UBAP2: variants seen among roughly 807,000 people sequenced by gnomAD.
UBAP2 encodes ubiquitin-associated protein 2.
Under a neutral mutation model 139.6 loss-of-function variants are expected in UBAP2, and 75 were observed. The observed-to-expected ratio is 0.54, with a 90% CI of 0.45 to 0.65. UBAP2 has a LOEUF of 0.65. Among genes scored for constraint, UBAP2 ranks in the 30% least tolerant of loss-of-function variants. UBAP2 has a pLI of 0.00. For synonymous variants in UBAP2, 526 were observed against 526.2 expected, an observed-to-expected ratio of 1.00 and a Z score of 0.01; for missense variants, 1,368 against 1,369.6, an observed-to-expected ratio of 1.00 and a Z score of 0.02.
chr9:33,980,072 G>A (rs1276066520), intron 6 of UBAP2, among the ~76,000 whole-genome samples: 2 of 151,768 alleles, frequency 1.3e-5, no homozygotes, highest in Non-Finnish European at 2.9e-5. Context: ...GACAGACCCA[G>A]TTTCAACAAC....
intron 26 of UBAP2, 33 bp from the exon 27 acceptor site, chr9:33,923,066 T>C (rs374970219): frequency 1.9e-6 from 3 of 1,613,842 alleles, no homozygotes; most frequent in East Asian, 2.2e-5. Flanking sequence ...CCCACAGCAG[T>C]TGTTCCCAGC....
chr9:33,996,356 G>C, intron 3 of UBAP2, 23 bp from the exon 4 acceptor site: 2 of 1,569,192 alleles, frequency 1.3e-6, no homozygotes, highest in Non-Finnish European at 1.7e-6. Context: ...TCAGAAAATG[G>C]TTAGAGGCAA....
At position 33,933,632 on chromosome 9, in the gene UBAP2, G is replaced by C; in HGVS notation, c.1970-4C>G. On this transcript the variant is annotated splice_polypyrimidine_tract_variant and splice_region_variant and intron_variant, in intron 17 of 28. Coordinates refer to ENST00000379238, the MANE Select transcript of UBAP2 (RefSeq NM_001370062.2). ...GGAGGGCCTGTTGTCTTTGGAGCTG[G>C]AACAGATGAAGTAGCTGTAAGAAGC... The C allele has an allele frequency of 6.2e-7, 1 of 1,613,534 alleles. No individual in the cohort carries two copies. The highest frequency in any genetic ancestry group is 1.3e-5 in the African/African-American group (1 of 75,000).
intron 13 of UBAP2, among the ~76,000 whole-genome samples, chr9:33,945,638 C>CACAA: frequency 2.0e-5 from 3 of 152,180 alleles, no homozygotes; most frequent in African/African-American, 7.2e-5. Flanking sequence ...TTCAGAGATA[C>CACAA]TATATCACAA....
intron 2 of UBAP2, among the ~76,000 whole-genome samples, chr9:34,002,217 G>A (rs1459657283): frequency 1.3e-5 from 2 of 152,012 alleles, no homozygotes; most frequent in East Asian, 3.9e-4. Context: ...GCCTCCCAAA[G>A]AGCTGGAATT....
At chr9:34,021,305 A>C (rs755975591) in intron 1 of UBAP2, among the ~76,000 whole-genome samples, 1 of 152,208 alleles carries the variant, frequency 6.6e-6, no homozygotes, top group African/African-American at 2.4e-5. Flanking sequence ...TGCCTTTTAC[A>C]TTATAGTAAC....
chr9:34,005,956 C>T (rs1360750071), intron 2 of UBAP2, among the ~76,000 whole-genome samples: 2 of 152,080 alleles, frequency 1.3e-5, no homozygotes, highest in Non-Finnish European at 2.9e-5. Context: ...TCTGGCCAGG[C>T]GTGGTGGCTC....
At chr9:33,967,945 C>G (rs1297061031) in intron 8 of UBAP2, 1 of 201,800 alleles carries the variant, frequency 5.0e-6, no homozygotes, top group Admixed American at 5.4e-5. Flanking sequence ...AGTGTTTTCA[C>G]TACATATTTC....
rs755576664 is a variant in UBAP2, at chr9:33,963,795, T to C, written c.680-4A>G. The stretch of plus-strand genomic sequence containing the variant: ...TTGTGAGTATTTGATGCCAGTTCTG[T>C]GGACCAATGTAAAATTGAGGGTTTA... On this transcript the variant is annotated splice_region_variant and splice_polypyrimidine_tract_variant and intron_variant, in intron 8 of 28. Transcript: ENST00000379238. The C allele has an allele frequency of 2.9e-5, 46 of 1,608,854 alleles. No homozygotes were observed. In the East Asian group the frequency reaches 1.0e-3, roughly 36 times the overall value.
intron 2 of UBAP2, among the ~76,000 whole-genome samples, chr9:33,999,935 G>A (rs748771469): frequency 2.1e-4 from 31 of 150,866 alleles, no homozygotes; most frequent in Admixed American, 2.0e-4. Context: ...ACACTCTGTC[G>A]CCCAGGCTGG....
intron 6 of UBAP2, among the ~76,000 whole-genome samples, chr9:33,974,922 C>T (rs1182688316): frequency 3.7e-5 from 4 of 109,042 alleles, no homozygotes; most frequent in African/African-American, 3.7e-5. Flanking sequence ...TGGTTAACAG[C>T]GTGAGACTAA....
chr9:33,991,552 T>C (rs910241475), intron 4 of UBAP2, among the ~76,000 whole-genome samples: 1 of 152,198 alleles, frequency 6.6e-6, no homozygotes, highest in African/African-American at 2.4e-5. Flanking sequence ...TTAGTTCAAA[T>C]AGGAGCCTAT....
In UBAP2 at chr9:33,941,636, A is replaced by G; in HGVS notation, c.1929+13T>C. 5.0e-6 allele frequency: 8 copies of G among 1,611,354 alleles called. No individual in the cohort carries two copies. Among genetic ancestry groups the G allele is most frequent in the Non-Finnish European group, 6.8e-6 (8 of 1,177,702 alleles). Reference sequence around the variant, plus strand: ...CGGACATCTTCTGAGAAAAAAACTAAAATACCACTTACCATGATGGTTCCT... The same window carrying G: ...CGGACATCTTCTGAGAAAAAAACTAGAATACCACTTACCATGATGGTTCCT... On this transcript the variant is annotated intron_variant, in intron 16 of 28. Transcript: ENST00000379238.
At chr9:33,932,806 G>T (rs953739219) in intron 18 of UBAP2, among the ~76,000 whole-genome samples, 178 bp from the exon 19 acceptor site, 5 of 152,166 alleles carry the variant, frequency 3.3e-5, no homozygotes, top group Non-Finnish European at 7.3e-5. Flanking sequence ...CTGGTGGACG[G>T]GAATGACTCG....
intron 1 of UBAP2, among the ~76,000 whole-genome samples, chr9:34,046,941 T>C (rs989260893): frequency 4.6e-5 from 7 of 152,152 alleles, no homozygotes; most frequent in Non-Finnish European, 8.8e-5. Flanking sequence ...AGAGGTGTTA[T>C]TGTTGTTCCA....
chr9:33,993,077 T>G (rs1431256726), intron 4 of UBAP2, among the ~76,000 whole-genome samples: 1 of 152,220 alleles, frequency 6.6e-6, no homozygotes, highest in Non-Finnish European at 1.5e-5. Flanking sequence ...AACCAAACAT[T>G]ATGATGAAAC....
intron 2 of UBAP2, among the ~76,000 whole-genome samples, chr9:34,016,632 T>C (rs1824375569): frequency 6.6e-6 from 1 of 151,882 alleles, no homozygotes; most frequent in Non-Finnish European, 1.5e-5. Flanking sequence ...CTGGGCTCAC[T>C]GCAACCTCTG....
chr9:33,979,335 A>G (rs898451019), intron 6 of UBAP2, among the ~76,000 whole-genome samples: 1 of 152,224 alleles, frequency 6.6e-6, no homozygotes, highest in Non-Finnish European at 1.5e-5. Flanking sequence ...TGAATACACA[A>G]GATAAAGAAA....
chr9:33,983,771 A>G (rs942787741), intron 6 of UBAP2, among the ~76,000 whole-genome samples: 2 of 152,182 alleles, frequency 1.3e-5, no homozygotes, highest in African/African-American at 4.8e-5. Context: ...AGTAAGTTTG[A>G]AACTTACTTT....
Sources: allele counts gnomAD v4.1 joint callset (sites outside exome capture counted in the v4.1 genomes callset), GRCh38; gene constraint gnomAD v4.1.1; transcripts MANE v1.5; gene names NCBI Gene and HGNC (gene_info 2026-07-23, HGNC 2026-07-21).